Variants in PCNX2 observed in about 807,000 individuals in gnomAD.
The protein encoded by PCNX2 is pecanex-like protein 2.
A neutral mutation model predicts 223.8 loss-of-function variants in PCNX2; 168 were observed. That is an observed-to-expected ratio of 0.75 (90% CI 0.66 to 0.85). PCNX2 has a LOEUF of 0.85. Ranked by LOEUF, PCNX2 falls within the 40% of genes least tolerant of loss-of-function variation. PCNX2 has a pLI of 0.00. For missense variants in PCNX2, 2,507 were observed against 2,675.5 expected, an observed-to-expected ratio of 0.94 and a Z score of 1.39; for synonymous variants, 1,006 against 1,052.6, an observed-to-expected ratio of 0.96 and a Z score of 0.86.
chr1:233,078,837 T>C (rs1673216970), intron 23 of PCNX2, among the ~76,000 whole-genome samples: 1 of 152,252 alleles, frequency 6.6e-6, no homozygotes, highest in Admixed American at 6.5e-5. Context: ...TTCAACATAC[T>C]GGACTTCCTC....
chr1:233,216,637 T>C (rs1656939285), intron 12 of PCNX2, among the ~76,000 whole-genome samples: 1 of 152,238 alleles, frequency 6.6e-6, no homozygotes, highest in South Asian at 2.1e-4. Flanking sequence ...CAGTATGATT[T>C]CTCAAAAAGA....
At chr1:233,141,773 A>ATGTATGTGTGTG (rs1553299513) in intron 19 of PCNX2, among the ~76,000 whole-genome samples, 3 of 146,182 alleles carry the variant, frequency 2.1e-5, no homozygotes, top group African/African-American at 7.7e-5. Context: ...GTATATGTAT[A>ATGTATGTGTGTG]TGTGTGTGTG....
intron 15 of PCNX2, among the ~76,000 whole-genome samples, chr1:233,197,481 A>G (rs1184729378): frequency 6.6e-6 from 1 of 152,186 alleles, no homozygotes; most frequent in Non-Finnish European, 1.5e-5. Flanking sequence ...ATAAAGGAAC[A>G]TAAGTCAAAA....
the PCNX2 span, among the ~76,000 whole-genome samples, chr1:233,307,086 G>C: frequency 6.6e-6 from 1 of 152,180 alleles, no homozygotes; most frequent in Non-Finnish European, 1.5e-5. Flanking sequence ...GAAAGTGTTA[G>C]CTTGACCTCA....
intron 27 of PCNX2, 59 bp downstream of exon 27, chr1:233,016,862 A>C: frequency 1.3e-6 from 2 of 1,571,410 alleles, no homozygotes; most frequent in South Asian, 2.3e-5. Flanking sequence ...TGGACATGAC[A>C]ATGTTCTTTA....
At position 233,217,942 on chromosome 1, in the gene PCNX2, A is replaced by G; in HGVS notation, c.2659-11T>C. 1 of 1,613,816 alleles carries G rather than the reference A, an allele frequency of 6.2e-7. No individual in the cohort carries two copies. The highest frequency in any genetic ancestry group is 8.5e-7 in the Non-Finnish European group (1 of 1,179,852). On this transcript the variant is annotated splice_polypyrimidine_tract_variant and intron_variant, in intron 11 of 33. Coordinates refer to ENST00000258229, the MANE Select transcript of PCNX2 (RefSeq NM_014801.4). ...GTCAGGCTGAACACTCTAAAACACA[A>G]ATCAGAAGTGTCTGTGTCATCATCT...
At chr1:233,288,401 G>T (rs1012334080) in intron 1 of PCNX2, among the ~76,000 whole-genome samples, 1 of 152,172 alleles carries the variant, frequency 6.6e-6, no homozygotes, top group African/African-American at 2.4e-5. Context: ...AGTGGGGCAG[G>T]AGACATAAGT....
At chr1:233,298,883 AAAAC>A (rs146968053), upstream of PCNX2, among the ~76,000 whole-genome samples, 811 of 151,540 alleles carry the variant, frequency 5.4e-3, 8 homozygotes, top group African/African-American at 0.017. Context: ...CTGCATCTCA[AAAAC>A]AAACAAACAA....
At chr1:233,113,239 G>A (rs1015360296) in intron 21 of PCNX2, among the ~76,000 whole-genome samples, 6 of 152,220 alleles carry the variant, frequency 3.9e-5, no homozygotes, top group African/African-American at 1.2e-4. Context: ...CAAACTCACA[G>A]CTCTACTGGC....
At chr1:233,290,162 T>A (rs553477924) in intron 1 of PCNX2, among the ~76,000 whole-genome samples, 1 of 150,242 alleles carries the variant, frequency 6.7e-6, no homozygotes. Context: ...TATTAGGGGG[T>A]TAGGGGTATG....
intron 25 of PCNX2, among the ~76,000 whole-genome samples, chr1:233,046,983 T>A (rs1671844656): frequency 6.6e-6 from 1 of 152,170 alleles, no homozygotes; most frequent in Non-Finnish European, 1.5e-5. Context: ...CCTTGAAGTG[T>A]TCAGATTTCC....
At chr1:233,063,979 CT>C (rs565830950) in intron 23 of PCNX2, among the ~76,000 whole-genome samples, 1 of 151,796 alleles carries the variant, frequency 6.6e-6, no homozygotes, top group South Asian at 2.1e-4. Context: ...TCCAATTTGT[CT>C]TTTTTTTCAT....
intron 19 of PCNX2, among the ~76,000 whole-genome samples, chr1:233,148,046 C>T (rs528811576): frequency 1.1e-4 from 16 of 152,256 alleles, no homozygotes; most frequent in South Asian, 2.1e-4. Context: ...GTTTACTGCC[C>T]ACGGTACTTC....
At position 233,039,082 on chromosome 1, in the gene PCNX2, C is replaced by G. The variant is rs188549616; in HGVS notation, c.4352-13683G>C. ...TTGCTAAGACAGCCAATAATTCAAA[C>G]AGCTGAGCTGCTAGAAGTGACTTAC... is the stretch of plus-strand genomic sequence containing the variant. On this transcript the variant is annotated intron_variant, in intron 25 of 33. Transcript: ENST00000258229. Among the ~76,000 whole-genome samples the G allele has an allele frequency of 4.9e-3, 750 of 152,286 alleles. 7 individuals are homozygous for G. Among genetic ancestry groups the G allele is most frequent in the African/African-American group, 0.018 (731 of 41,552 alleles).
chr1:233,121,563 AAAAG>A (rs1558252590), intron 21 of PCNX2, among the ~76,000 whole-genome samples: 1 of 152,206 alleles, frequency 6.6e-6, no homozygotes, highest in African/African-American at 2.4e-5. Context: ...TTAAGGGCAT[AAAAG>A]AAAGGCAATT....
the PCNX2 span, among the ~76,000 whole-genome samples, chr1:233,324,513 T>G: frequency 7.2e-5 from 11 of 152,040 alleles, no homozygotes; most frequent in African/African-American, 2.7e-4. Context: ...TTAAGAATTA[T>G]GCTAAATCTA....
At chr1:233,250,861 A>G in intron 7 of PCNX2, 29 bp from the exon 8 acceptor site, 1 of 1,543,198 alleles carries the variant, frequency 6.5e-7, no homozygotes, top group Non-Finnish European at 8.8e-7. Flanking sequence ...TCAGCAAAGA[A>G]TATGACATAA....
chr1:233,109,690 G>A (rs571710501), intron 21 of PCNX2, among the ~76,000 whole-genome samples: 1 of 152,292 alleles, frequency 6.6e-6, no homozygotes, highest in Admixed American at 6.5e-5. Flanking sequence ...AACCTTCAGA[G>A]CAATACCAAA....
intron 10 of PCNX2, among the ~76,000 whole-genome samples, chr1:233,221,304 A>G (rs1453259449): frequency 6.6e-6 from 1 of 152,102 alleles, no homozygotes; most frequent in Non-Finnish European, 1.5e-5. Context: ...TGGTGTGTTG[A>G]GGTCCATGAA....
Sources: gnomAD v4.1 joint callset for allele counts (sites outside exome capture counted in the v4.1 genomes callset) on GRCh38, gnomAD v4.1.1 for gene constraint, MANE v1.5 for transcripts, NCBI Gene and HGNC (gene_info 2026-07-23, HGNC 2026-07-21) for gene names.